PABPC4L: variants seen among roughly 807,000 people sequenced by gnomAD.
The protein encoded by PABPC4L is poly(A) binding protein cytoplasmic 4 like.
For missense variants in PABPC4L, 452 were observed against 451.4 expected (o/e 1.00, Z -0.01); for synonymous variants, 169 against 164.1 (o/e 1.03, Z -0.23).
Position 134,197,645 on chromosome 4 carries a change from A to G in PABPC4L, c.*2262T>C, listed in dbSNP as rs1368289555. ...CCCAACAGGAAAATAAATTATGATCATGAGACATTAACTTATAAGTATGAA... is the reference window on the plus strand; with the variant it reads ...CCCAACAGGAAAATAAATTATGATCGTGAGACATTAACTTATAAGTATGAA... On this transcript the variant is annotated 3_prime_UTR_variant, in exon 2 of 2. Transcript: ENST00000421491. 6 of 151,810 alleles carry G rather than the reference A, an allele frequency of 4.0e-5. No homozygotes were observed. Among genetic ancestry groups the G allele is most frequent in the African/African-American group, 7.2e-5 (3 of 41,442 alleles). The allele number at this position is 151,810 out of a possible 1,614,324, so 9.4% of individuals were successfully genotyped here. A position where few individuals can be genotyped will look rare whatever the true frequency, so the allele number is the denominator to read the frequency against.
the PABPC4L span, among the ~76,000 whole-genome samples, chr4:134,060,952 T>G: frequency 2.1e-4 from 32 of 151,974 alleles, no homozygotes; most frequent in Non-Finnish European, 3.8e-4. Context: ...AGGGAGGATG[T>G]CAGATGGTTA....
At chr4:134,085,291 ACATAT>A in the PABPC4L span, among the ~76,000 whole-genome samples, 1 of 152,228 alleles carries the variant, frequency 6.6e-6, no homozygotes, top group African/African-American at 2.4e-5. Context: ...GTATGTATGT[ACATAT>A]CATATGTGCA....
the PABPC4L span, among the ~76,000 whole-genome samples, chr4:134,059,520 C>T: frequency 2.8e-4 from 43 of 150,914 alleles, no homozygotes; most frequent in African/African-American, 9.9e-4. Flanking sequence ...AAAATACTTA[C>T]ATAAGTTTAT....
At chr4:134,160,099 A>G in the PABPC4L span, among the ~76,000 whole-genome samples, 1 of 152,118 alleles carries the variant, frequency 6.6e-6, no homozygotes, top group Non-Finnish European at 1.5e-5. Flanking sequence ...AGGACCTTGA[A>G]TAAAAATGAG....
the PABPC4L span, among the ~76,000 whole-genome samples, chr4:133,995,345 C>T: frequency 6.6e-6 from 1 of 152,116 alleles, no homozygotes. Flanking sequence ...GGCTTTAATG[C>T]CATAGCCAAT....
chr4:134,079,064 T>C, the PABPC4L span, among the ~76,000 whole-genome samples: 1 of 145,544 alleles, frequency 6.9e-6, no homozygotes, highest in South Asian at 2.3e-4. Flanking sequence ...CTTCGCCTCC[T>C]GTGTTCAAGC....
At chr4:134,164,034 C>T in the PABPC4L span, among the ~76,000 whole-genome samples, 34 of 151,572 alleles carry the variant, frequency 2.2e-4, 1 homozygote, top group Non-Finnish European at 2.4e-4. Flanking sequence ...GAGGCCGAGG[C>T]GGGCGGATCA....
At chr4:134,070,662 T>A in the PABPC4L span, among the ~76,000 whole-genome samples, 5 of 152,000 alleles carry the variant, frequency 3.3e-5, no homozygotes, top group African/African-American at 1.2e-4. Context: ...TGGGTCACTG[T>A]GGGCCAGCAA....
At chr4:134,010,721 C>A in the PABPC4L span, 1 of 152,036 alleles carries the variant, frequency 6.6e-6, no homozygotes, top group Non-Finnish European at 1.5e-5. Flanking sequence ...TGTATTACAG[C>A]CAAGTCGATG....
chr4:134,179,019 C>T, the PABPC4L span, among the ~76,000 whole-genome samples: 1 of 151,916 alleles, frequency 6.6e-6, no homozygotes, highest in African/African-American at 2.4e-5. Context: ...CCAGAGAGGC[C>T]AACATTCAAA....
At chr4:134,053,879 C>G in the PABPC4L span, among the ~76,000 whole-genome samples, 1 of 151,858 alleles carries the variant, frequency 6.6e-6, no homozygotes, top group Non-Finnish European at 1.5e-5. Flanking sequence ...GTCTAAGCAT[C>G]TATATAAGAG....
At chr4:133,974,246 A>C in the PABPC4L span, among the ~76,000 whole-genome samples, 11 of 152,270 alleles carry the variant, frequency 7.2e-5, no homozygotes, top group East Asian at 2.1e-3. Flanking sequence ...TACCAAGACA[A>C]TTTAATGGAG....
At position 134,200,258 on chromosome 4, in the gene PABPC4L, G is replaced by GGCATGAA; in HGVS notation, c.761_762insTTCATGC (p.Ile255SerfsTer22). 6.4e-7 allele frequency: 1 copy of GGCATGAA among 1,556,672 alleles called. No individual in the cohort carries two copies. The highest frequency in any genetic ancestry group is 1.2e-5 in the South Asian group (1 of 84,396). ...CTACAAAAATCAGCTGCCCATTTATGTCCCTTCCATTCATTTCTTCAACAG... is the reference window on the plus strand; with the variant it reads ...CTACAAAAATCAGCTGCCCATTTATGGCATGAATCCCTTCCATTCATTTCTTCAACAG... On this transcript the variant is annotated frameshift_variant, in exon 2 of 2. Coordinates refer to ENST00000421491, the MANE Select transcript of PABPC4L (RefSeq NM_001114734.2). LOFTEE classifies it low-confidence loss of function (END_TRUNC).
chr4:133,993,396 T>A, the PABPC4L span, among the ~76,000 whole-genome samples: 1 of 152,180 alleles, frequency 6.6e-6, no homozygotes, highest in East Asian at 1.9e-4. Flanking sequence ...TCAGTTTTAA[T>A]TTTTGTGGGC....
chr4:134,045,370 T>C, the PABPC4L span, among the ~76,000 whole-genome samples: 2 of 152,184 alleles, frequency 1.3e-5, no homozygotes, highest in Non-Finnish European at 2.9e-5. Flanking sequence ...ACATTTCGGT[T>C]TGGAAGTGCA....
At chr4:134,145,538 G>A in the PABPC4L span, among the ~76,000 whole-genome samples, 6 of 151,810 alleles carry the variant, frequency 4.0e-5, no homozygotes, top group African/African-American at 1.4e-4. Flanking sequence ...CAGTATTGCT[G>A]AGTGAGTAAG....
the PABPC4L span, among the ~76,000 whole-genome samples, chr4:134,105,689 C>A: frequency 3.2e-4 from 49 of 151,558 alleles, 1 homozygote; most frequent in Admixed American, 4.0e-4. Flanking sequence ...TCATCACTAG[C>A]GAAGTACAGA....
At chr4:134,126,328 T>C in the PABPC4L span, among the ~76,000 whole-genome samples, 1 of 152,188 alleles carries the variant, frequency 6.6e-6, no homozygotes, top group African/African-American at 2.4e-5. Flanking sequence ...CTGCAAAGAC[T>C]GTAGAGACTA....
chr4:134,185,533 A>G, the PABPC4L span, among the ~76,000 whole-genome samples: 2 of 152,164 alleles, frequency 1.3e-5, no homozygotes, highest in East Asian at 1.9e-4. Flanking sequence ...GATAGGACAT[A>G]TCTCAAAATA....
Sources: allele counts gnomAD v4.1 joint callset (sites outside exome capture counted in the v4.1 genomes callset), GRCh38; gene constraint gnomAD v4.1.1; transcripts MANE v1.5; gene names NCBI Gene and HGNC (gene_info 2026-07-23, HGNC 2026-07-21).